The following ASTN2 variants were observed in gnomAD, a reference collection of about 807,000 sequenced individuals.
ASTN2 encodes astrotactin 2, also known as astrotactin-2.
In ASTN2, 54 loss-of-function variants were observed where a neutral mutation model predicts 139.8. The ratio of observed to expected loss-of-function variants is 0.39; its 90% CI spans 0.31 to 0.48. The LOEUF (loss-of-function observed/expected upper bound fraction) is 0.48, where lower values mean the gene tolerates loss of function less well. Among genes scored for constraint, ASTN2 ranks in the 20% least tolerant of loss-of-function variants. The probability of loss-of-function intolerance (pLI) is 0.95; values close to 1 mark genes in which losing one functional copy is unlikely to be tolerated. For missense variants in ASTN2, 1,565 were observed against 1,725.1 expected (o/e 0.91, Z 1.64); for synonymous variants, 756 against 719.5 (o/e 1.05, Z -0.81).
At chr9:117,055,928 T>G (rs1209188915) in intron 5 of ASTN2, among the ~76,000 whole-genome samples, 1 of 152,224 alleles carries the variant, frequency 6.6e-6, no homozygotes, top group Non-Finnish European at 1.5e-5. Context: ...TCCATTTAGC[T>G]CACACTCTCT....
chr9:117,061,139 T>TTTTATTTATTTATTTA (rs71379255), intron 5 of ASTN2, among the ~76,000 whole-genome samples: 97 of 141,998 alleles, frequency 6.8e-4, no homozygotes, highest in East Asian at 1.3e-3. Context: ...TACACCAGTC[T>TTTTATTTATTTATTTA]TTTATTTATT....
At chr9:117,367,060 A>C (rs575586013) in intron 1 of ASTN2, among the ~76,000 whole-genome samples, 2 of 152,256 alleles carry the variant, frequency 1.3e-5, no homozygotes, top group African/African-American at 4.8e-5. Flanking sequence ...AGTGTGAGCC[A>C]CCGTACCTGG....
At chr9:116,451,462 AG>A (rs1848172386) in intron 20 of ASTN2, among the ~76,000 whole-genome samples, 2 of 149,328 alleles carry the variant, frequency 1.3e-5, no homozygotes, top group South Asian at 2.1e-4. Context: ...AAAAAAAAAA[AG>A]AGTGGGGTTT....
At chr9:116,869,156 G>A (rs1399326905) in intron 10 of ASTN2, among the ~76,000 whole-genome samples, 2 of 152,082 alleles carry the variant, frequency 1.3e-5, no homozygotes, top group Non-Finnish European at 2.9e-5. Flanking sequence ...TTGCACTCCA[G>A]CCTGGGCAAC....
At chr9:116,938,242 A>T (rs1374615982) in intron 10 of ASTN2, among the ~76,000 whole-genome samples, 1 of 26,642 alleles carries the variant, frequency 3.8e-5, no homozygotes, top group African/African-American at 1.0e-4. Context: ...CAGTGCCATG[A>T]AGCACTGTTT....
chr9:117,368,338 AAAG>A (rs1564169744), intron 1 of ASTN2, among the ~76,000 whole-genome samples: 2 of 152,108 alleles, frequency 1.3e-5, no homozygotes, highest in Non-Finnish European at 2.9e-5. Context: ...AATACAAACA[AAAG>A]AAGTTATCCA....
intron 1 of ASTN2, among the ~76,000 whole-genome samples, chr9:117,383,849 C>T (rs769064573): frequency 2.2e-4 from 34 of 152,166 alleles, no homozygotes; most frequent in Non-Finnish European, 3.7e-4. Flanking sequence ...AGATTTGTTA[C>T]GCTCAGCTCC....
At chr9:116,967,147 G>A (rs1436345722) in intron 10 of ASTN2, among the ~76,000 whole-genome samples, 1 of 152,182 alleles carries the variant, frequency 6.6e-6, no homozygotes. Flanking sequence ...AAGCAAGTGT[G>A]ATCAATAAAT....
At chr9:117,206,730 G>A (rs886366689) in intron 3 of ASTN2, among the ~76,000 whole-genome samples, 2 of 152,132 alleles carry the variant, frequency 1.3e-5, no homozygotes, top group African/African-American at 4.8e-5. Context: ...CAGAGAAACA[G>A]TATAACGGTC....
At chr9:116,775,092 A>G (rs1267677156) in intron 13 of ASTN2, among the ~76,000 whole-genome samples, 1 of 152,068 alleles carries the variant, frequency 6.6e-6, no homozygotes, top group Non-Finnish European at 1.5e-5. Context: ...GACACATAAT[A>G]AAAGGGAATG....
chr9:116,919,338 C>A (rs1207271909), intron 10 of ASTN2, among the ~76,000 whole-genome samples: 1 of 152,130 alleles, frequency 6.6e-6, no homozygotes, highest in African/African-American at 2.4e-5. Flanking sequence ...CAATTCTTCC[C>A]ATCTCTGGGC....
intron 2 of ASTN2, among the ~76,000 whole-genome samples, chr9:117,264,610 T>A (rs1046657449): frequency 6.6e-6 from 1 of 152,034 alleles, no homozygotes; most frequent in African/African-American, 2.4e-5. Flanking sequence ...AGAGGAAAAG[T>A]TAGGGTGAGA....
chr9:117,057,922 T>C (rs750930264), intron 5 of ASTN2, among the ~76,000 whole-genome samples: 2 of 152,316 alleles, frequency 1.3e-5, no homozygotes, highest in South Asian at 2.1e-4. Flanking sequence ...CTACTCCATG[T>C]CTAGTGTGGA....
At chr9:116,506,386 C>T (rs1320359951) in intron 19 of ASTN2, among the ~76,000 whole-genome samples, 3 of 152,188 alleles carry the variant, frequency 2.0e-5, no homozygotes, top group African/African-American at 7.2e-5. Context: ...ATTTCACCAA[C>T]TTGTATTTCC....
At chr9:117,349,487 A>T (rs186105988) in intron 1 of ASTN2, among the ~76,000 whole-genome samples, 10 of 152,286 alleles carry the variant, frequency 6.6e-5, no homozygotes, top group Admixed American at 3.3e-4. Flanking sequence ...GGGGAAAGAG[A>T]CAAGTGAACT....
intron 16 of ASTN2, among the ~76,000 whole-genome samples, chr9:116,674,637 A>T (rs1270700181): frequency 1.3e-5 from 2 of 152,214 alleles, no homozygotes; most frequent in Non-Finnish European, 2.9e-5. Context: ...TACTGAAGCT[A>T]TGCAATCCCC....
intron 1 of ASTN2, among the ~76,000 whole-genome samples, chr9:117,409,572 C>G (rs1257376954): frequency 6.6e-6 from 1 of 152,222 alleles, no homozygotes; most frequent in Non-Finnish European, 1.5e-5. Context: ...CCTCTCAGAT[C>G]TTTCAAGACA....
intron 13 of ASTN2, 92 bp downstream of exon 13, chr9:116,805,540 G>A (rs574189838): frequency 1.6e-4 from 189 of 1,186,522 alleles, no homozygotes; most frequent in Non-Finnish European, 2.1e-4. Flanking sequence ...AGAATAACAG[G>A]TCTCTACCCC....
In ASTN2 at chr9:117,232,733, G is replaced by C. The variant is rs184768884; in HGVS notation, c.631-17991C>G. Among the ~76,000 whole-genome samples, 47 of 152,188 alleles carry C rather than the reference G, an allele frequency of 3.1e-4. 1 individual carries two copies. Reference sequence around the variant, plus strand: ...AAGAATGTTCTCAGCAAATTGTTCTGTTATTATTACATTCACCAGAAACTC... The same window carrying C: ...AAGAATGTTCTCAGCAAATTGTTCTCTTATTATTACATTCACCAGAAACTC... On this transcript the variant is annotated intron_variant, in intron 2 of 22. Transcript: ENST00000313400.
Sources: gnomAD v4.1 joint callset for allele counts (sites outside exome capture counted in the v4.1 genomes callset) on GRCh38, gnomAD v4.1.1 for gene constraint, MANE v1.5 for transcripts, NCBI Gene and HGNC (gene_info 2026-07-23, HGNC 2026-07-21) for gene names.